The following TMEM267 variants were observed in gnomAD, a reference collection of about 807,000 sequenced individuals.
TMEM267 encodes the protein transmembrane protein 267, also known as transmembrane protein C5orf28.
In TMEM267, 20 loss-of-function variants were observed where a neutral mutation model predicts 19.3. That is an observed-to-expected ratio of 1.04 (90% CI 0.73 to 1.51). The LOEUF (loss-of-function observed/expected upper bound fraction) is 1.51. Ranked by LOEUF, TMEM267 falls within the 40% of genes most tolerant of loss-of-function variation. The pLI, the probability that TMEM267 is intolerant of heterozygous loss-of-function variation, is 0.00. For missense variants in TMEM267, 242 were observed against 261.9 expected (o/e 0.92, Z 0.52); for synonymous variants, 88 against 90.3 (o/e 0.97, Z 0.15).
At chr5:43,450,996 G>A (rs921577588) in intron 2 of TMEM267, among the ~76,000 whole-genome samples, 2 of 151,596 alleles carry the variant, frequency 1.3e-5, no homozygotes, top group East Asian at 3.9e-4. Flanking sequence ...CACTATGCCC[G>A]GCTAATTTTT....
At chr5:43,459,654 T>A (rs1189722151) in intron 1 of TMEM267, among the ~76,000 whole-genome samples, 1 of 152,158 alleles carries the variant, frequency 6.6e-6, no homozygotes, top group East Asian at 1.9e-4. Flanking sequence ...ACAGTAAAGT[T>A]CTATGGGGTA....
chr5:43,450,565 G>A (rs1742525102), intron 2 of TMEM267, among the ~76,000 whole-genome samples: 1 of 152,158 alleles, frequency 6.6e-6, no homozygotes, highest in Admixed American at 6.5e-5. Flanking sequence ...TTACAGCAGA[G>A]GAAACTGAGG....
At chr5:43,460,539 C>G (rs1743198476) in intron 1 of TMEM267, among the ~76,000 whole-genome samples, 1 of 151,724 alleles carries the variant, frequency 6.6e-6, no homozygotes, top group South Asian at 2.1e-4. Flanking sequence ...GAAAGAGGCA[C>G]AGAAGGGATT....
chr5:43,455,216 G>A (rs568660461), intron 1 of TMEM267, among the ~76,000 whole-genome samples: 2 of 152,180 alleles, frequency 1.3e-5, no homozygotes, highest in East Asian at 3.9e-4. Context: ...TTGAGGACAG[G>A]AGCTCGAGAC....
chr5:43,455,667 C>T lies in TMEM267; in HGVS notation c.-74-1624G>A, dbSNP rs368932221. ...GGTTCAAGCAATTCTCCTGCCTCAGCCTCTCAAGTAGCTGGGATTACAGGT... is the reference window on the plus strand; with the variant it reads ...GGTTCAAGCAATTCTCCTGCCTCAGTCTCTCAAGTAGCTGGGATTACAGGT... On this transcript the variant is annotated intron_variant, in intron 1 of 2. Transcript: ENST00000397080. 2.0e-5 allele frequency among the ~76,000 whole-genome samples: 3 copies of T among 152,192 alleles called. 1 individual carries two copies. Among genetic ancestry groups the T allele is most frequent in the African/African-American group, 4.8e-5 (2 of 41,528 alleles).
intron 1 of TMEM267, among the ~76,000 whole-genome samples, chr5:43,464,525 C>T (rs537186048): frequency 2.6e-5 from 4 of 152,330 alleles, no homozygotes; most frequent in South Asian, 2.1e-4. Context: ...AGAACAAAGC[C>T]AGAGGCATCA....
chr5:43,461,711 G>A (rs1028680131), intron 1 of TMEM267, among the ~76,000 whole-genome samples: 2 of 152,218 alleles, frequency 1.3e-5, no homozygotes, highest in African/African-American at 4.8e-5. Context: ...TCTTTGAAAA[G>A]GGGAGGGAAA....
chr5:43,452,671 A>G (rs6897816), intron 2 of TMEM267, among the ~76,000 whole-genome samples: 1 of 152,082 alleles, frequency 6.6e-6, no homozygotes, highest in Non-Finnish European at 1.5e-5. Flanking sequence ...TCTCATTTCA[A>G]TCTTAAACAA....
intron 1 of TMEM267, among the ~76,000 whole-genome samples, chr5:43,473,255 G>A (rs1433346427): frequency 6.6e-6 from 1 of 151,996 alleles, no homozygotes; most frequent in African/African-American, 2.4e-5. Flanking sequence ...GTTCTGGCCA[G>A]GGCAATCAGG....
At chr5:43,450,081 A>G (rs1030417242) in intron 2 of TMEM267, among the ~76,000 whole-genome samples, 2 of 151,962 alleles carry the variant, frequency 1.3e-5, no homozygotes, top group East Asian at 3.9e-4. Context: ...TGTAACCTCA[A>G]ACTCCTGGGC....
Position 43,454,002 on chromosome 5 carries a change from A to G in TMEM267, c.-33T>C. 6.3e-7 allele frequency: 1 copy of G among 1,598,982 alleles called. No homozygotes were observed. The highest frequency in any genetic ancestry group is 2.2e-5 in the East Asian group (1 of 44,696). On this transcript the variant is annotated 5_prime_UTR_variant, in exon 2 of 3. The change abolishes an upstream ATG in the 5' untranslated region. Coordinates refer to ENST00000397080, the MANE Select transcript of TMEM267 (RefSeq NM_022483.5). ...AATATGTTAGTATAGACTAAAAGCC[A>G]TCAGGAATGAACAGTCTATTCTTGT...
At chr5:43,483,394 T>C (rs905041496) in intron 1 of TMEM267, among the ~76,000 whole-genome samples, 4 of 152,154 alleles carry the variant, frequency 2.6e-5, no homozygotes, top group Non-Finnish European at 1.5e-5. Flanking sequence ...TGTCACACTC[T>C]CAGCATTCAA....
At position 43,470,106 on chromosome 5, in the gene TMEM267, T is replaced by C. The variant is rs543619769; in HGVS notation, c.-75+13716A>G. 6.6e-5 allele frequency among the ~76,000 whole-genome samples: 10 copies of C among 152,336 alleles called. No homozygotes were observed. The South Asian group carries it at 1.9e-3, about 28-fold the overall frequency. ...ACCTGGAAGTCTTCCCTTTGAGTTG[T>C]CCCGCCTTTCCAGAAGGAATCAACA... On this transcript the variant is annotated intron_variant, in intron 1 of 2. Transcript: ENST00000397080.
At chr5:43,464,937 A>C (rs907208024) in intron 1 of TMEM267, among the ~76,000 whole-genome samples, 1 of 152,250 alleles carries the variant, frequency 6.6e-6, no homozygotes, top group African/African-American at 2.4e-5. Context: ...AATGGCAACC[A>C]AAGCCAAAAT....
intron 2 of TMEM267, among the ~76,000 whole-genome samples, chr5:43,453,023 G>C (rs896429197): frequency 6.6e-6 from 1 of 152,162 alleles, no homozygotes; most frequent in Non-Finnish European, 1.5e-5. Flanking sequence ...AACATTTTAA[G>C]TTTAGTTCAT....
At chr5:43,469,386 C>G (rs1324086212) in intron 1 of TMEM267, among the ~76,000 whole-genome samples, 1 of 152,092 alleles carries the variant, frequency 6.6e-6, no homozygotes, top group Non-Finnish European at 1.5e-5. Context: ...ACTGAATTCA[C>G]CAATACATTA....
intron 1 of TMEM267, among the ~76,000 whole-genome samples, chr5:43,457,798 G>A (rs1323147654): frequency 3.9e-5 from 6 of 152,202 alleles, no homozygotes; most frequent in African/African-American, 1.4e-4. Flanking sequence ...TAAATGAACC[G>A]CCAACAAATA....
In TMEM267 at chr5:43,476,101, T is replaced by G. The variant is rs570080768; in HGVS notation, c.-75+7721A>C. 8 of 152,334 alleles carry G rather than the reference T, an allele frequency of 5.3e-5. No homozygotes were observed. The East Asian group carries it at 1.5e-3, about 29-fold the overall frequency. The allele number at this position is 152,334 out of a possible 1,614,324, so 9.4% of individuals were successfully genotyped here. A position where few individuals can be genotyped will look rare whatever the true frequency, so the allele number is the denominator to read the frequency against. ...CTGTGAAGTTTGCATGTGCTGCCGA[T>G]CTGTTAGCTCACCTTGCTGGCATGG... is the stretch of plus-strand genomic sequence containing the variant. On this transcript the variant is annotated intron_variant, in intron 1 of 2. Coordinates refer to ENST00000397080, the MANE Select transcript of TMEM267 (RefSeq NM_022483.5).
chr5:43,454,042 C>A lies in TMEM267; in HGVS notation c.-73G>T. 1 of 1,521,822 alleles carries A rather than the reference C, an allele frequency of 6.6e-7. No individual in the cohort carries two copies. Among genetic ancestry groups the A allele is most frequent in the Non-Finnish European group, 8.8e-7 (1 of 1,136,236 alleles). 94.3% of individuals were successfully genotyped at this position (1,521,822 alleles called of 1,614,324 possible). ...TCTATTCTTGTTTACATTTCCAGCA[C>A]CCTAAAGGAGAAAGTAGAGAAAAAT... is the stretch of plus-strand genomic sequence containing the variant. On this transcript the variant is annotated splice_region_variant and 5_prime_UTR_variant, in exon 2 of 3. Transcript: ENST00000397080.
Sources: allele counts gnomAD v4.1 joint callset (sites outside exome capture counted in the v4.1 genomes callset), GRCh38; gene constraint gnomAD v4.1.1; transcripts MANE v1.5; gene names NCBI Gene and HGNC (gene_info 2026-07-23, HGNC 2026-07-21).